The following B4GALNT2 variants were observed in gnomAD, a reference collection of about 807,000 sequenced individuals.
B4GALNT2 encodes the protein beta-1,4-N-acetyl-galactosaminyltransferase 2 (SID blood group).
Under a neutral mutation model 51.1 loss-of-function variants are expected in B4GALNT2, and 42 were observed. The ratio of observed to expected loss-of-function variants is 0.82; its 90% CI spans 0.64 to 1.06. B4GALNT2 has a LOEUF of 1.06. Ranked by LOEUF, B4GALNT2 falls within the 50% of genes least tolerant of loss-of-function variation. The pLI is 0.00. For missense variants in B4GALNT2, 602 were observed against 633.6 expected, an observed-to-expected ratio of 0.95 and a Z score of 0.54; for synonymous variants, 253 against 251.7, an observed-to-expected ratio of 1.01 and a Z score of -0.05.
the B4GALNT2 span, among the ~76,000 whole-genome samples, chr17:49,124,291 G>A: frequency 6.6e-6 from 1 of 152,130 alleles, no homozygotes; most frequent in Admixed American, 6.5e-5. Context: ...CTATTCTGAT[G>A]TCACAATCTC....
chr17:49,154,964 C>G (rs1245445241), intron 4 of B4GALNT2, among the ~76,000 whole-genome samples: 1 of 152,044 alleles, frequency 6.6e-6, no homozygotes, highest in Non-Finnish European at 1.5e-5. Context: ...CTTGAATAGC[C>G]ATCTTAAAAA....
upstream of B4GALNT2, among the ~76,000 whole-genome samples, chr17:49,128,699 T>TAG (rs2042522844): frequency 6.6e-6 from 1 of 152,204 alleles, no homozygotes; most frequent in African/African-American, 2.4e-5. Flanking sequence ...GCTCGAAATT[T>TAG]TAACTTGCCA....
At chr17:49,133,205 G>T in intron 1 of B4GALNT2, 1 of 1,501,880 alleles carries the variant, frequency 6.7e-7, no homozygotes, top group Non-Finnish European at 8.8e-7. Flanking sequence ...CCCACGGGAG[G>T]AGCCGCCGTC....
At chr17:49,126,118 A>G in the B4GALNT2 span, among the ~76,000 whole-genome samples, 5 of 152,306 alleles carry the variant, frequency 3.3e-5, no homozygotes, top group Non-Finnish European at 7.4e-5. Flanking sequence ...TGTAGAAAGA[A>G]GTAGACATGG....
At chr17:49,145,631 T>A (rs2042687874) in intron 3 of B4GALNT2, among the ~76,000 whole-genome samples, 1 of 152,164 alleles carries the variant, frequency 6.6e-6, no homozygotes, top group Non-Finnish European at 1.5e-5. Flanking sequence ...CAAACCTTCA[T>A]TCCTGAAGGG....
Position 49,169,928 on chromosome 17 carries a change from GAGA to G in B4GALNT2, c.*201_*203del. 1 of 524,236 alleles carries G rather than the reference GAGA, an allele frequency of 1.9e-6. No homozygotes were observed. Among genetic ancestry groups the G allele is most frequent in the Admixed American group, 3.5e-5 (1 of 28,332 alleles). The allele number at this position is 524,236 out of a possible 1,614,324, so 32.5% of individuals were successfully genotyped here. ...GAACCAGTCACTGACCAGGGCAATG[GAGA>G]CTGTATTAATAGCAATGATGATTTG... On this transcript the variant is annotated 3_prime_UTR_variant, in exon 11 of 11. Transcript: ENST00000393354.
chr17:49,130,837 G>A (rs1235272760), upstream of B4GALNT2, among the ~76,000 whole-genome samples: 2 of 152,188 alleles, frequency 1.3e-5, no homozygotes, highest in East Asian at 3.8e-4. Flanking sequence ...GCCTTGTGGT[G>A]TCCAGGACCA....
intron 1 of B4GALNT2, among the ~76,000 whole-genome samples, chr17:49,140,108 T>C (rs1245894912): frequency 6.8e-6 from 1 of 147,310 alleles, no homozygotes; most frequent in Non-Finnish European, 1.5e-5. Context: ...TTTTCTTTCT[T>C]TTTTTTTTTT....
chr17:49,167,561 A>G (rs1043499146), intron 9 of B4GALNT2, among the ~76,000 whole-genome samples: 9 of 151,258 alleles, frequency 6.0e-5, no homozygotes, highest in Admixed American at 1.3e-4. Flanking sequence ...CATTACCTGC[A>G]TAACGAACAT....
Position 49,175,747 on chromosome 17 carries a change from T to C in B4GALNT2, c.*6019T>C, listed in dbSNP as rs1050823717. 1 of 152,212 alleles carries C rather than the reference T, an allele frequency of 6.6e-6. No homozygotes were observed. The highest frequency in any genetic ancestry group is 2.4e-5 in the African/African-American group (1 of 41,438). The allele number at this position is 152,212 out of a possible 1,614,324, so 9.4% of individuals were successfully genotyped here. ...CCTCTCGTCTAGCTGGCTCAATTCC[T>C]GCCTGAATAGAACTGAGAGCAGTCA... On this transcript the variant is annotated 3_prime_UTR_variant, in exon 11 of 11. Coordinates refer to ENST00000393354, the MANE Select transcript of B4GALNT2 (RefSeq NM_001159387.2).
rs1349344780 is a variant in B4GALNT2 at position 49,153,327 on chromosome 17, G to A, written c.460+421G>A. 2.0e-5 allele frequency among the ~76,000 whole-genome samples: 3 copies of A among 151,954 alleles called. No homozygotes were observed. The East Asian group carries it at 5.8e-4, about 29-fold the overall frequency. ...CTACTTGTGGGGTTGAAGCAGAAGG[G>A]TTGCTTGAACCTGGGAGGCCGAGGC... is the stretch of plus-strand genomic sequence containing the variant. On this transcript the variant is annotated intron_variant, in intron 4 of 10. Transcript: ENST00000393354.
upstream of B4GALNT2, among the ~76,000 whole-genome samples, chr17:49,129,721 A>G (rs1446496539): frequency 6.7e-6 from 1 of 149,438 alleles, no homozygotes; most frequent in Non-Finnish European, 1.5e-5. Flanking sequence ...TGGGGGGGGA[A>G]GTTTATTGCA....
the B4GALNT2 span, among the ~76,000 whole-genome samples, chr17:49,126,058 G>T: frequency 6.6e-6 from 1 of 151,948 alleles, no homozygotes; most frequent in South Asian, 2.1e-4. Flanking sequence ...GGAATAGAAA[G>T]GGGGGAAAGG....
Position 49,150,801 on chromosome 17 carries a change from C to T in B4GALNT2, c.354-1999C>T, listed in dbSNP as rs541054972. The stretch of plus-strand genomic sequence containing the variant: ...CAAACACTGCGGAAGGCCGCAGGGT[C>T]CTCTGCCTAGGAAAACCAGAGACCT... On this transcript the variant is annotated intron_variant, in intron 3 of 10. Coordinates refer to ENST00000393354, the MANE Select transcript of B4GALNT2 (RefSeq NM_001159387.2). Among the ~76,000 whole-genome samples the T allele has an allele frequency of 3.4e-5, 5 of 149,006 alleles. No homozygotes were observed. The East Asian group carries it at 1.0e-3, about 30-fold the overall frequency.
intron 10 of B4GALNT2, among the ~76,000 whole-genome samples, chr17:49,169,225 C>T (rs2042939029): frequency 6.6e-6 from 1 of 152,096 alleles, no homozygotes; most frequent in Non-Finnish European, 1.5e-5. Context: ...TAACTGCTCT[C>T]TCTTTCCCTC....
At chr17:49,132,909 G>A in intron 1 of B4GALNT2, 103 bp downstream of exon 1, 1 of 1,377,118 alleles carries the variant, frequency 7.3e-7, no homozygotes, top group Non-Finnish European at 9.4e-7. Context: ...TGCTGGGGAC[G>A]CAGACGCCGG....
Position 49,169,539 on chromosome 17 carries a change from G to T in B4GALNT2, c.1332G>T (p.Gly444=). ...TCTTTGCAGAATTCTTCATTGATGGGCTAGGGACCCTACTCGTGGGGTCAT... is the reference window on the plus strand; with the variant it reads ...TCTTTGCAGAATTCTTCATTGATGGTCTAGGGACCCTACTCGTGGGGTCAT... ...RVAHSEFFID[G]LGTLLVGSCP... is the part of the protein sequence containing the mutation. Residue 444 remains glycine (G), a synonymous_variant, in exon 11 of 11, where the codon GGG becomes GGT. Transcript: ENST00000393354. The T allele has an allele frequency of 6.2e-7, 1 of 1,611,728 alleles. No individual in the cohort carries two copies. Among genetic ancestry groups the T allele is most frequent in the African/African-American group, 1.3e-5 (1 of 74,950 alleles).
chr17:49,144,462 G>A (rs545652336), intron 3 of B4GALNT2, among the ~76,000 whole-genome samples: 1 of 152,332 alleles, frequency 6.6e-6, no homozygotes, highest in South Asian at 2.1e-4. Flanking sequence ...GGTGCACCTA[G>A]CTATGTGAGG....
At chr17:49,121,472 G>A in the B4GALNT2 span, among the ~76,000 whole-genome samples, 1 of 152,194 alleles carries the variant, frequency 6.6e-6, no homozygotes, top group East Asian at 1.9e-4. Context: ...TGGACCACTT[G>A]AAGCTTCTCC....
Sources: gnomAD v4.1 joint callset for allele counts (sites outside exome capture counted in the v4.1 genomes callset) on GRCh38, gnomAD v4.1.1 for gene constraint, MANE v1.5 for transcripts, NCBI Gene and HGNC (gene_info 2026-07-23, HGNC 2026-07-21) for gene names.